The following ZNF385D variants were observed in gnomAD, a reference collection of about 807,000 sequenced individuals.
ZNF385D encodes the protein zinc finger protein 385D.
ZNF385D carries 15 observed loss-of-function variants against 35.8 expected under a neutral mutation model. That is an observed-to-expected ratio of 0.42 (90% CI 0.28 to 0.64). The LOEUF (loss-of-function observed/expected upper bound fraction) is 0.64, where lower values mean the gene tolerates loss of function less well. Among genes scored for constraint, ZNF385D ranks in the 30% least tolerant of loss-of-function variants. The pLI, the probability that ZNF385D is intolerant of heterozygous loss-of-function variation, is 0.23. For missense variants in ZNF385D, 474 were observed against 494.6 expected (o/e 0.96, Z 0.39); for synonymous variants, 212 against 186.8 (o/e 1.13, Z -1.10).
At chr3:22,001,291 G>T (rs772836364) in intron 3 of ZNF385D, among the ~76,000 whole-genome samples, 5 of 150,264 alleles carry the variant, frequency 3.3e-5, no homozygotes, top group Admixed American at 6.6e-5. Flanking sequence ...TGAAGAGATG[G>T]AAAAAGATAT....
intron 2 of ZNF385D, among the ~76,000 whole-genome samples, chr3:22,294,513 T>C (rs1702467714): frequency 6.6e-6 from 1 of 152,166 alleles, no homozygotes; most frequent in Admixed American, 6.6e-5. Flanking sequence ...AGGGAATGTT[T>C]TTTATTTCCT....
chr3:22,178,054 T>A (rs1694955924), intron 2 of ZNF385D, among the ~76,000 whole-genome samples: 1 of 152,210 alleles, frequency 6.6e-6, no homozygotes, highest in Admixed American at 6.5e-5. Context: ...TATGTGTACA[T>A]GTGTCTTTAT....
intron 2 of ZNF385D, among the ~76,000 whole-genome samples, chr3:22,220,503 C>T (rs1360979815): frequency 2.0e-5 from 3 of 152,190 alleles, no homozygotes; most frequent in African/African-American, 4.8e-5. Context: ...CTATTTCCCA[C>T]AGGGCAAAAG....
In ZNF385D at chr3:21,988,758, C is replaced by T. The variant is rs1227504834; in HGVS notation, c.325+180059G>A. The stretch of plus-strand genomic sequence containing the variant: ...CAAGCCTGGGCAATGGCGGGCGCCC[C>T]TCCCCCAGCCTCGCTGCCGCTTTGC... On this transcript the variant is annotated intron_variant, in intron 3 of 5. Coordinates refer to the ZNF385D transcript ENST00000494108. Among the ~76,000 whole-genome samples the T allele has an allele frequency of 1.2e-4, 18 of 151,856 alleles. No individual in the cohort carries two copies. The South Asian group carries it at 1.7e-3, about 14-fold the overall frequency.
At chr3:22,086,179 C>A (rs75206690) in intron 3 of ZNF385D, among the ~76,000 whole-genome samples, 4 of 152,164 alleles carry the variant, frequency 2.6e-5, no homozygotes, top group African/African-American at 9.6e-5. Context: ...TCCTATTCAA[C>A]ATAGTGTTGG....
At chr3:21,743,716 T>C (rs1324674219) in intron 1 of ZNF385D, among the ~76,000 whole-genome samples, 1 of 152,190 alleles carries the variant, frequency 6.6e-6, no homozygotes. Flanking sequence ...CCCACCTCCA[T>C]ACTATCATAT....
intron 3 of ZNF385D, among the ~76,000 whole-genome samples, chr3:21,886,719 G>A (rs1356208712): frequency 6.6e-6 from 1 of 152,086 alleles, no homozygotes. Context: ...GTCAACATTT[G>A]CCAAAGAGAA....
intron 3 of ZNF385D, among the ~76,000 whole-genome samples, chr3:21,906,893 T>C (rs1030590619): frequency 1.3e-5 from 2 of 152,162 alleles, no homozygotes; most frequent in Admixed American, 6.6e-5. Flanking sequence ...TCAAAGTCCA[T>C]TGCCAGGTAA....
intron 3 of ZNF385D, among the ~76,000 whole-genome samples, chr3:22,015,045 CT>C (rs895964652): frequency 2.6e-5 from 4 of 151,208 alleles, no homozygotes; most frequent in Admixed American, 2.0e-4. Context: ...TGTGTAATTT[CT>C]TTTTTTTTAA....
chr3:21,912,197 G>C (rs1390116614), intron 3 of ZNF385D, among the ~76,000 whole-genome samples: 2 of 151,816 alleles, frequency 1.3e-5, no homozygotes, highest in African/African-American at 4.8e-5. Context: ...TACAAGACTT[G>C]TCTTAAAATT....
At chr3:22,334,330 A>G (rs570245004) in intron 2 of ZNF385D, among the ~76,000 whole-genome samples, 3 of 152,200 alleles carry the variant, frequency 2.0e-5, no homozygotes, top group African/African-American at 4.8e-5. Context: ...ACTATTACAC[A>G]AATTAGATAG....
chr3:22,069,731 T>C (rs2170093), intron 3 of ZNF385D, among the ~76,000 whole-genome samples: 19,760 of 152,156 alleles, frequency 0.13, 1,590 homozygotes, highest in Middle Eastern at 0.22. Context: ...GATGTGAAGG[T>C]AATAAGTGCA....
rs1249771557 is a variant in ZNF385D at position 21,682,426 on chromosome 3, A to G, written c.23-17398T>C. On this transcript the variant is annotated intron_variant, in intron 1 of 7. Transcript: ENST00000281523. ...ACTCAGGGTGACTTAATTGCCTTCA[A>G]ATATTTAAAAACTAACATAGAAAGA... Among the ~76,000 whole-genome samples, 4 of 150,208 alleles carry G rather than the reference A, an allele frequency of 2.7e-5. 1 individual carries two copies. The highest frequency in any genetic ancestry group is 9.8e-5 in the African/African-American group (4 of 40,760).
At chr3:22,093,393 C>A (rs559898539) in intron 3 of ZNF385D, among the ~76,000 whole-genome samples, 3 of 151,158 alleles carry the variant, frequency 2.0e-5, no homozygotes, top group Admixed American at 1.3e-4. Context: ...AATAAAAGTG[C>A]AATTTAAGTA....
At chr3:22,238,357 T>G (rs1192385693) in intron 2 of ZNF385D, among the ~76,000 whole-genome samples, 1 of 151,158 alleles carries the variant, frequency 6.6e-6, no homozygotes. Context: ...AGAACATAGT[T>G]GGGACTTTGA....
intron 2 of ZNF385D, among the ~76,000 whole-genome samples, chr3:22,310,909 T>C (rs1477169850): frequency 1.1e-4 from 17 of 151,994 alleles, no homozygotes; most frequent in African/African-American, 4.1e-4. Context: ...TTAAATATAT[T>C]TGTTTCAGTG....
At chr3:21,650,993 A>G (rs1355049700) in intron 2 of ZNF385D, among the ~76,000 whole-genome samples, 6 of 152,052 alleles carry the variant, frequency 3.9e-5, no homozygotes, top group Non-Finnish European at 8.8e-5. Context: ...GTCTTAAGAA[A>G]AAAGGGCCAG....
At chr3:21,425,232 TA>T (rs1700965046) in intron 6 of ZNF385D, among the ~76,000 whole-genome samples, 1 of 152,206 alleles carries the variant, frequency 6.6e-6, no homozygotes, top group Non-Finnish European at 1.5e-5. Context: ...ACAAGAATAG[TA>T]AAAACTCACA....
chr3:22,198,213 G>C (rs964775839), intron 2 of ZNF385D, among the ~76,000 whole-genome samples: 1 of 152,002 alleles, frequency 6.6e-6, no homozygotes, highest in African/African-American at 2.4e-5. Flanking sequence ...GATTTGGCAG[G>C]TTTACCTAGT....
Sources: gnomAD v4.1 joint callset for allele counts (sites outside exome capture counted in the v4.1 genomes callset) on GRCh38, gnomAD v4.1.1 for gene constraint, MANE v1.5 for transcripts, NCBI Gene and HGNC (gene_info 2026-07-23, HGNC 2026-07-21) for gene names.